Variants in ARFGAP1 observed in about 807,000 individuals in gnomAD.
The protein encoded by ARFGAP1 is ARF GTPase activating protein 1.
A neutral mutation model predicts 54.0 loss-of-function variants in ARFGAP1; 26 were observed. The observed-to-expected ratio is 0.48, with a 90% CI of 0.35 to 0.67. The LOEUF (loss-of-function observed/expected upper bound fraction) is 0.67. Ranked by LOEUF, ARFGAP1 falls within the 30% of genes least tolerant of loss-of-function variation. The probability of loss-of-function intolerance (pLI) is 0.00; values close to 1 mark genes in which losing one functional copy is unlikely to be tolerated. For missense variants in ARFGAP1, 525 were observed against 535.8 expected (o/e 0.98, Z 0.20); for synonymous variants, 248 against 211.9 (o/e 1.17, Z -1.48).
At chr20:63,284,534 C>CA in intron 9 of ARFGAP1, 1 of 1,191,700 alleles carries the variant, frequency 8.4e-7, no homozygotes. Flanking sequence ...GTGGCTGCAG[C>CA]CGGCGTTGGC....
intron 4 of ARFGAP1, 73 bp from the exon 5 acceptor site, chr20:63,277,132 G>A (rs1032294633): frequency 4.5e-6 from 6 of 1,347,326 alleles, no homozygotes; most frequent in South Asian, 3.7e-5. Flanking sequence ...TGGGGGGTGC[G>A]CTGGAGTCGA....
chr20:63,282,166 G>GCCTGGGAGGGC (rs2067401694), intron 8 of ARFGAP1, among the ~76,000 whole-genome samples: 3 of 152,218 alleles, frequency 2.0e-5, no homozygotes, highest in Admixed American at 2.0e-4. Flanking sequence ...GGAGAGGAAG[G>GCCTGGGAGGGC]CCTGGGAGGG....
intron 8 of ARFGAP1, 141 bp downstream of exon 8, chr20:63,281,488 C>T (rs961266185): frequency 3.4e-5 from 36 of 1,065,396 alleles, no homozygotes; most frequent in African/African-American, 1.9e-4. Context: ...GCTGTGCCAA[C>T]GCAGTACCAG....
At chr20:63,275,091 T>C (rs1428286712) in intron 1 of ARFGAP1, among the ~76,000 whole-genome samples, 2 of 152,156 alleles carry the variant, frequency 1.3e-5, no homozygotes, top group Non-Finnish European at 2.9e-5. Context: ...CTCCCTGCAC[T>C]GCGTTGGGAA....
intron 7 of ARFGAP1, chr20:63,279,362 C>G (rs1168864085): frequency 3.2e-5 from 12 of 370,080 alleles, no homozygotes; most frequent in South Asian, 2.3e-4. Context: ...CCTACTATCA[C>G]GTCAGGCTAA....
intron 12 of ARFGAP1, 126 bp downstream of exon 12, chr20:63,286,568 G>A: frequency 2.2e-6 from 2 of 917,612 alleles, no homozygotes; most frequent in Non-Finnish European, 3.3e-6. Flanking sequence ...AGGCTCTCCG[G>A]GAGGTGGCTG....
chr20:63,287,645 C>A lies in ARFGAP1; in HGVS notation c.993C>A (p.Thr331=). The stretch of plus-strand genomic sequence containing the variant: ...ACATAGACCAGAGCTTCTGGGAGAC[C>A]TTTGGAAGTGCTGAGCCCACCAAGA... ...NSNIDQSFWE[T]FGSAEPTKTR... is the part of the protein sequence containing the mutation. Residue 331 remains threonine, a synonymous_variant, in exon 13 of 13, where the codon ACC becomes ACA. Transcript: ENST00000370283. 3 of 1,612,602 alleles carry A rather than the reference C, an allele frequency of 1.9e-6. No homozygotes were observed. The highest frequency in any genetic ancestry group is 2.5e-6 in the Non-Finnish European group (3 of 1,179,934).
chr20:63,277,280 A>T lies in ARFGAP1; in HGVS notation c.418A>T (p.Arg140Trp). 6.2e-7 allele frequency: 1 copy of T among 1,612,924 alleles called. No individual in the cohort carries two copies. Residue 140 changes from arginine (R) to tryptophan (W), a missense_variant, in exon 5 of 13, where the codon AGG becomes TGG. Around this residue, in one of 3 missense-constraint regions of ARFGAP1, gnomAD observed 466 missense variants for 453.6 expected, o/e 1.03. Coordinates refer to ENST00000370283, the MANE Select transcript of ARFGAP1 (RefSeq NM_018209.4). ...CCAGAACTGGACCCCACCTCAGCCCAGGACGCTGCCGTCCATGGTGCACCG... is the reference window on the plus strand; with the variant it reads ...CCAGAACTGGACCCCACCTCAGCCCTGGACGCTGCCGTCCATGGTGCACCG... Reference protein sequence around the residue: ...PAQNWTPPQPRTLPSMVHRVS... With the variant: ...PAQNWTPPQPWTLPSMVHRVS...
At position 63,276,200 on chromosome 20, in the gene ARFGAP1, G is replaced by C; in HGVS notation, c.170G>C (p.Ser57Thr). ...GRHRGLGVHL[S>T]FVRSVTMDKW... ...CACCGCGGGCTTGGGGTTCACCTCA[G>C]GTCAGTGTCCTGCCGCTCTGGCTCT... Residue 57 changes from serine to threonine, a missense_variant and splice_region_variant, in exon 3 of 13, where the codon AGC (serine) becomes ACC (threonine). Physicochemically the swap from Ser to Thr is moderately conservative, Grantham distance 58. Coordinates refer to ENST00000370283, the MANE Select transcript of ARFGAP1 (RefSeq NM_018209.4). This position sits in a 1 kb window ranked among gnomAD's most constrained non-coding sequence, Gnocchi z 5.2. 6.2e-7 allele frequency: 1 copy of C among 1,613,502 alleles called. No individual in the cohort carries two copies. Among genetic ancestry groups the C allele is most frequent in the Non-Finnish European group, 8.5e-7 (1 of 1,179,960 alleles).
At chr20:63,281,233 C>A in intron 7 of ARFGAP1, 58 bp from the exon 8 acceptor site, 1 of 1,535,108 alleles carries the variant, frequency 6.5e-7, no homozygotes, top group South Asian at 1.2e-5. Context: ...ATACTCTGCT[C>A]AGCGCCGGGT....
rs1487443439 is a variant in ARFGAP1 at position 63,284,842 on chromosome 20, C to T, written c.718-24C>T. 4 of 1,611,834 alleles carry T rather than the reference C, an allele frequency of 2.5e-6. No individual in the cohort carries two copies. The Admixed American group carries it at 5.0e-5, about 20-fold the overall frequency. Reference sequence around the variant, plus strand: ...GTCCCGTGGTGGAGCTGTCGTGGGGCTCACGTGACTTCCCTTCCTACAGGC... The same window carrying T: ...GTCCCGTGGTGGAGCTGTCGTGGGGTTCACGTGACTTCCCTTCCTACAGGC... On this transcript the variant is annotated intron_variant, in intron 9 of 12. Transcript: ENST00000370283.
Position 63,276,675 on chromosome 20 carries a change from T to C in ARFGAP1, c.342+24T>C, listed in dbSNP as rs1038918776. The C allele has an allele frequency of 6.3e-7, 1 of 1,583,140 alleles. No homozygotes were observed. The highest frequency in any genetic ancestry group is 8.6e-7 in the Non-Finnish European group (1 of 1,162,554). ...AGGTAGAGATGGGCCCGATTCACTC[T>C]TGCCCATGGTGTGGGGCTGCCCTGC... On this transcript the variant is annotated intron_variant, in intron 4 of 12. Transcript: ENST00000370283. This position sits in a 1 kb window ranked among gnomAD's most constrained non-coding sequence, Gnocchi z 5.2.
chr20:63,273,834 T>C (rs1482715936), intron 1 of ARFGAP1, among the ~76,000 whole-genome samples: 4 of 152,312 alleles, frequency 2.6e-5, no homozygotes, highest in Admixed American at 6.5e-5. Context: ...CTTTGGCGGC[T>C]CACCTCCTCT....
chr20:63,286,324 C>G (rs771356441), intron 11 of ARFGAP1, 42 bp from the exon 12 acceptor site: 1 of 1,606,706 alleles, frequency 6.2e-7, no homozygotes, highest in Non-Finnish European at 8.5e-7. Context: ...CTGCCTGTGC[C>G]GCGACAGGGC....
chr20:63,283,628 G>T (rs574016732), intron 9 of ARFGAP1: 3 of 472,376 alleles, frequency 6.4e-6, no homozygotes, highest in Non-Finnish European at 1.1e-5. Flanking sequence ...TGGCTTTTTC[G>T]TGGGCCTCCC....
In ARFGAP1 at chr20:63,287,905, G is replaced by C; in HGVS notation, c.*32G>C. On this transcript the variant is annotated 3_prime_UTR_variant, in exon 13 of 13. Coordinates refer to ENST00000370283, the MANE Select transcript of ARFGAP1 (RefSeq NM_018209.4). ...CTGCGCCCCCGTCCCCAGCGCCCCC[G>C]GGCGACTTCGTGTTTGCACTCTGCC... 3 of 1,472,558 alleles carry C rather than the reference G, an allele frequency of 2.0e-6. No individual in the cohort carries two copies. Among genetic ancestry groups the C allele is most frequent in the South Asian group, 2.6e-5 (2 of 75,862 alleles). The allele number at this position is 1,472,558 out of a possible 1,614,324, so 91.2% of individuals were successfully genotyped here.
intron 8 of ARFGAP1, among the ~76,000 whole-genome samples, chr20:63,282,238 C>T (rs1023351884): frequency 2.6e-5 from 4 of 152,254 alleles, no homozygotes; most frequent in Non-Finnish European, 4.4e-5. Context: ...GTGACTTTGC[C>T]GAGCGTCAGC....
chr20:63,279,264 G>A (rs1476841639), intron 7 of ARFGAP1: 6 of 546,106 alleles, frequency 1.1e-5, no homozygotes, highest in Non-Finnish European at 2.1e-5. Context: ...GGAGGGCAGT[G>A]GTGCGACCTC....
chr20:63,282,553 C>G (rs549297609), intron 8 of ARFGAP1, among the ~76,000 whole-genome samples: 2 of 152,334 alleles, frequency 1.3e-5, no homozygotes, highest in South Asian at 4.1e-4. Flanking sequence ...CCCTGCTGTT[C>G]CCTGGCCTTG....
Sources: allele counts gnomAD v4.1 joint callset (sites outside exome capture counted in the v4.1 genomes callset), GRCh38; gene constraint gnomAD v4.1.1; regional missense constraint gnomAD v4.1.1; non-coding constraint Gnocchi (gnomAD v3.1); transcripts MANE v1.5; gene names NCBI Gene and HGNC (gene_info 2026-07-23, HGNC 2026-07-21).